The following IFNGR1 variants were observed in gnomAD, a reference collection of about 807,000 sequenced individuals.
The protein encoded by IFNGR1 is AVP, type 2.
In IFNGR1, 23 loss-of-function variants were observed where a neutral mutation model predicts 35.4. The ratio of observed to expected loss-of-function variants is 0.65; its 90% CI spans 0.47 to 0.92. The LOEUF is 0.92. Ranked by LOEUF, IFNGR1 falls within the 40% of genes least tolerant of loss-of-function variation. The pLI is 0.00. For missense variants in IFNGR1, 533 were observed against 583.4 expected (o/e 0.91, Z 0.89); for synonymous variants, 199 against 209.5 (o/e 0.95, Z 0.43).
At chr6:137,214,542 T>C (rs1779646623) in intron 1 of IFNGR1, among the ~76,000 whole-genome samples, 1 of 152,214 alleles carries the variant, frequency 6.6e-6, no homozygotes, top group African/African-American at 2.4e-5. Flanking sequence ...AACTTGTAAG[T>C]AACTAACCTC....
At chr6:137,206,109 A>G in intron 3 of IFNGR1, 27 bp downstream of exon 3, 1 of 1,586,344 alleles carries the variant, frequency 6.3e-7, no homozygotes, top group Non-Finnish European at 8.7e-7. Context: ...CCAATTTAAA[A>G]TTTACATGTG....
At chr6:137,205,262 G>A (rs754782867) in intron 3 of IFNGR1, among the ~76,000 whole-genome samples, 2 of 152,166 alleles carry the variant, frequency 1.3e-5, no homozygotes, top group Non-Finnish European at 2.9e-5. Context: ...TAAAAGGCAG[G>A]AGCAGAGAAA....
intron 6 of IFNGR1, among the ~76,000 whole-genome samples, chr6:137,200,031 A>G (rs1779240524): frequency 6.6e-6 from 1 of 152,156 alleles, no homozygotes; most frequent in Non-Finnish European, 1.5e-5. Flanking sequence ...TTTACCCGTT[A>G]TGCTACTGCT....
In IFNGR1 at chr6:137,219,358, C is replaced by T. The variant is rs777572690; in HGVS notation, c.-31G>A. ...TACCGACGGTCGCTGGCTCCAACCC[C>T]GAGCGCCTGCGGGACCAGCCCAGCA... On this transcript the variant is annotated 5_prime_UTR_variant, in exon 1 of 7. Coordinates refer to ENST00000367739, the MANE Select transcript of IFNGR1 (RefSeq NM_000416.3). 7 of 1,580,854 alleles carry T rather than the reference C, an allele frequency of 4.4e-6. No homozygotes were observed. In the African/African-American group the frequency reaches 8.1e-5, roughly 18 times the overall value.
rs1046040668 is a variant in IFNGR1, at chr6:137,206,504, A to G, written c.201-196T>C. The G allele has an allele frequency of 2.9e-5, 16 of 554,286 alleles. No individual in the cohort carries two copies. In the South Asian group the frequency reaches 3.4e-4, roughly 12 times the overall value. 34.3% of individuals were successfully genotyped at this position (554,286 alleles called of 1,614,324 possible). Reference sequence around the variant, plus strand: ...AGAACTACAAACTCTGTTACAGTAAAGAGGCTCAATTCAAAATGTAAGACC... The same window carrying G: ...AGAACTACAAACTCTGTTACAGTAAGGAGGCTCAATTCAAAATGTAAGACC... On this transcript the variant is annotated intron_variant, in intron 2 of 6. Transcript: ENST00000367739.
chr6:137,199,561 A>C (rs1451843869), intron 6 of IFNGR1, among the ~76,000 whole-genome samples: 1 of 86,362 alleles, frequency 1.2e-5, no homozygotes, highest in Non-Finnish European at 2.2e-5. Context: ...CATATAAAAT[A>C]TATATAATAT....
rs765407922 is a variant in IFNGR1 at position 137,198,280 on chromosome 6, G to A, written c.1221C>T (p.His407=). ...YHSRNCSESD[H]SRNGFDTDSS... is the part of the protein sequence containing the mutation. ...AATCAGTATCAAAACCATTTCTGGA[G>A]TGATCACTCTCAGAACAATTTCTGG... is the stretch of plus-strand genomic sequence containing the variant. The change falls in exon 7 of 7, where the codon CAC becomes CAT. Residue 407 remains histidine, a synonymous_variant. Transcript: ENST00000367739. The A allele has an allele frequency of 6.2e-7, 1 of 1,614,032 alleles. No homozygotes were observed. Among genetic ancestry groups the A allele is most frequent in the Non-Finnish European group, 8.5e-7 (1 of 1,180,020 alleles).
intron 4 of IFNGR1, 71 bp from the exon 5 acceptor site, chr6:137,203,756 T>G (rs768222787): frequency 4.1e-6 from 5 of 1,206,080 alleles, no homozygotes; most frequent in Non-Finnish European, 6.0e-6. Context: ...AATCACCATA[T>G]TAGTCCTGGT....
chr6:137,202,023 A>C (rs1779289837), intron 5 of IFNGR1, among the ~76,000 whole-genome samples: 1 of 152,150 alleles, frequency 6.6e-6, no homozygotes, highest in African/African-American at 2.4e-5. Context: ...CAGCACTCTA[A>C]CATACTGTGA....
Position 137,215,451 on chromosome 6 carries a change from T to G in IFNGR1, c.85+3792A>C, listed in dbSNP as rs894910570. ...ACAAGACCTAAACAGATACCTAGTA[T>G]TCTGATTACTATGCATTAGGATAAT... On this transcript the variant is annotated intron_variant, in intron 1 of 6. Transcript: ENST00000367739. 4.5e-6 allele frequency: 4 copies of G among 895,678 alleles called. No homozygotes were observed. In the African/African-American group the frequency reaches 5.0e-5, roughly 11 times the overall value. The allele number at this position is 895,678 out of a possible 1,614,324, so 55.5% of individuals were successfully genotyped here. A position where few individuals can be genotyped will look rare whatever the true frequency, so the allele number is the denominator to read the frequency against.
chr6:137,213,248 T>C (rs1460157782), intron 1 of IFNGR1, among the ~76,000 whole-genome samples: 1 of 152,222 alleles, frequency 6.6e-6, no homozygotes, highest in East Asian at 1.9e-4. Context: ...GAAAAGATCT[T>C]ACCAGAGTGA....
rs536137480 is a variant in IFNGR1 at position 137,216,417 on chromosome 6, G to GATT, written c.85+2823_85+2825dup. On this transcript the variant is annotated intron_variant, in intron 1 of 6. Coordinates refer to ENST00000367739, the MANE Select transcript of IFNGR1 (RefSeq NM_000416.3). Reference sequence around the variant, plus strand: ...AGTGCATGAAGAGTGAAATACTACTGATTAAGTGGCACACACAGATTTTAT... The same window carrying GATT: ...AGTGCATGAAGAGTGAAATACTACTGATTATTAAGTGGCACACACAGATTTTAT... 2.1e-3 allele frequency among the ~76,000 whole-genome samples: 327 copies of GATT among 152,308 alleles called. 2 individuals carry two copies. The highest frequency in any genetic ancestry group is 6.9e-3 in the African/African-American group (288 of 41,576).
chr6:137,198,949 G>C lies in IFNGR1; in HGVS notation c.862-310C>G, dbSNP rs2025838. 0.02 allele frequency among the ~76,000 whole-genome samples: 3,117 copies of C among 152,280 alleles called. 241 individuals are homozygous for C. The South Asian group carries it at 0.28, about 14-fold the overall frequency. On this transcript the variant is annotated intron_variant, in intron 6 of 6. Coordinates refer to ENST00000367739, the MANE Select transcript of IFNGR1 (RefSeq NM_000416.3). ...AAGTATTGATCCTGGGTGTGTCTGTGAGGGTGCTGCCAAAGGAGATTAACA... is the reference window on the plus strand; with the variant it reads ...AAGTATTGATCCTGGGTGTGTCTGTCAGGGTGCTGCCAAAGGAGATTAACA...
At chr6:137,206,366 C>T in intron 2 of IFNGR1, 58 bp from the exon 3 acceptor site, 6 of 1,329,276 alleles carry the variant, frequency 4.5e-6, no homozygotes, top group Non-Finnish European at 6.5e-6. Context: ...AAACTCAAAC[C>T]ATTTCTGTCT....
At chr6:137,198,936 T>C (rs1408278928) in intron 6 of IFNGR1, among the ~76,000 whole-genome samples, 1 of 152,302 alleles carries the variant, frequency 6.6e-6, no homozygotes, top group East Asian at 1.9e-4. Context: ...GTATTGATCC[T>C]GGGTGTGTCT....
At chr6:137,203,234 T>A (rs1779329515) in intron 5 of IFNGR1, among the ~76,000 whole-genome samples, 1 of 152,222 alleles carries the variant, frequency 6.6e-6, no homozygotes, top group South Asian at 2.1e-4. Context: ...CAAACATTTG[T>A]GTAGTTTTAT....
At chr6:137,215,389 G>T in intron 1 of IFNGR1, 1 of 1,460,536 alleles carries the variant, frequency 6.8e-7, no homozygotes, top group South Asian at 1.3e-5. Flanking sequence ...TGCAAAAGTT[G>T]AACAATGCAT....
In IFNGR1 at chr6:137,218,589, T is replaced by TC. The variant is rs201457622; in HGVS notation, c.85+653dup. The TC allele has an allele frequency of 0.014, 8,266 of 608,370 alleles. 176 individuals are homozygous for TC. The African/African-American group carries it at 0.15, about 11-fold the overall frequency. The allele number at this position is 608,370 out of a possible 1,614,324, so 37.7% of individuals were successfully genotyped here. A position where few individuals can be genotyped will look rare whatever the true frequency, so the allele number is the denominator to read the frequency against. ...ACTTTCCTACCCTAAGCACTTTGAG[T>TC]CCCCCCCCCCACCCCCGCTAAGAAA... On this transcript the variant is annotated intron_variant, in intron 1 of 6. Transcript: ENST00000367739.
intron 3 of IFNGR1, among the ~76,000 whole-genome samples, chr6:137,205,421 A>G (rs1234490876): frequency 6.6e-6 from 1 of 152,220 alleles, no homozygotes; most frequent in East Asian, 1.9e-4. Context: ...TAAAGATTCA[A>G]GAGTTTGAGG....
Sources: gnomAD v4.1 joint callset for allele counts (sites outside exome capture counted in the v4.1 genomes callset) on GRCh38, gnomAD v4.1.1 for gene constraint, MANE v1.5 for transcripts, NCBI Gene and HGNC (gene_info 2026-07-23, HGNC 2026-07-21) for gene names.